The following RNF125 variants were observed in gnomAD, a reference collection of about 807,000 sequenced individuals.
RNF125 encodes E3 ubiquitin-protein ligase RNF125.
Under a neutral mutation model 26.0 loss-of-function variants are expected in RNF125, and 21 were observed. That is an observed-to-expected ratio of 0.81 (90% CI 0.57 to 1.16). RNF125 has a LOEUF of 1.16. RNF125 is among the 50% of genes most tolerant of loss of function. The pLI is 0.00. For missense variants in RNF125, 270 were observed against 299.4 expected (o/e 0.90, Z 0.72); for synonymous variants, 95 against 109.2 (o/e 0.87, Z 0.81).
At chr18:32,026,296 T>TA (rs1161082739) in intron 1 of RNF125, among the ~76,000 whole-genome samples, 47 of 137,474 alleles carry the variant, frequency 3.4e-4, no homozygotes, top group African/African-American at 1.3e-3. Flanking sequence ...TCGTCCAGGC[T>TA]AGAGTGCAGT....
chr18:32,028,297 T>TAAAAAAA (rs1156859954), intron 1 of RNF125, among the ~76,000 whole-genome samples: 1 of 72,382 alleles, frequency 1.4e-5, no homozygotes, highest in Non-Finnish European at 2.6e-5. Flanking sequence ...GACTCCGTCT[T>TAAAAAAA]AAAAAAAAAA....
rs2039165568 is a variant in RNF125, at chr18:32,037,235, CAG to C, written c.287_288del (p.Glu96ValfsTer2). 1 of 1,603,170 alleles carries C rather than the reference CAG, an allele frequency of 6.2e-7. No homozygotes were observed. The highest frequency in any genetic ancestry group is 8.5e-7 in the Non-Finnish European group (1 of 1,176,100). On this transcript the variant is annotated frameshift_variant, in exon 2 of 6. Coordinates refer to ENST00000217740, the MANE Select transcript of RNF125 (RefSeq NM_017831.4). LOFTEE classifies it high-confidence loss of function. ...ACTGATGTAGCCAAAAGAATGAAAT[CAG>C]AGTATAAGAACTGCGCTGAGTGTGA...
At chr18:32,061,055 T>C (rs940544790) in intron 4 of RNF125, among the ~76,000 whole-genome samples, 2 of 152,136 alleles carry the variant, frequency 1.3e-5, no homozygotes, top group Admixed American at 6.6e-5. Context: ...CAGACAGTCT[T>C]GCTCTGGCGC....
At chr18:32,027,208 C>T (rs1254063793) in intron 1 of RNF125, among the ~76,000 whole-genome samples, 1 of 150,560 alleles carries the variant, frequency 6.6e-6, no homozygotes, top group Non-Finnish European at 1.5e-5. Context: ...ATCCTTACCA[C>T]TGGACTACAG....
At position 32,031,486 on chromosome 18, in the gene RNF125, G is replaced by GAAAAAAAA. The variant is rs745809061; in HGVS notation, c.165-5611_165-5604dup. 6 of 20,956 alleles carry GAAAAAAAA rather than the reference G, an allele frequency of 2.9e-4. 1 individual carries two copies. The highest frequency in any genetic ancestry group is 5.7e-4 in the African/African-American group (5 of 8,818). 1.3% of individuals were successfully genotyped at this position (20,956 alleles called of 1,614,324 possible). On this transcript the variant is annotated intron_variant, in intron 1 of 5. Transcript: ENST00000217740. ...CATTGGCATACAACTCAAATTGTGG[G>GAAAAAAAA]AAAAAAAAAAAAAAAAAAAAAAAAA... is the stretch of plus-strand genomic sequence containing the variant.
intron 4 of RNF125, 31 bp downstream of exon 4, chr18:32,045,763 A>G (rs1319077522): frequency 2.2e-6 from 3 of 1,378,830 alleles, no homozygotes; most frequent in East Asian, 4.6e-5. Context: ...TATTACAGCA[A>G]TGTCTGAATT....
intron 2 of RNF125, 95 bp downstream of exon 2, chr18:32,037,364 CTTTTTTTTT>C (rs796828237): frequency 7.7e-5 from 10 of 130,580 alleles, no homozygotes; most frequent in South Asian, 1.2e-4. Context: ...TGGTACGCAC[CTTTTTTTTT>C]TTTTTTTTTT....
chr18:32,047,254 G>A (rs929324080), intron 4 of RNF125, among the ~76,000 whole-genome samples: 1 of 152,162 alleles, frequency 6.6e-6, no homozygotes. Context: ...TGGCCAGGAT[G>A]GTCTCGATCT....
At chr18:32,038,484 A>G (rs910937393) in intron 2 of RNF125, among the ~76,000 whole-genome samples, 4 of 152,148 alleles carry the variant, frequency 2.6e-5, no homozygotes, top group Admixed American at 6.6e-5. Flanking sequence ...ATCCTCTATG[A>G]TATGTCCTCC....
chr18:32,068,191 C>T (rs1240582946), intron 5 of RNF125, 107 bp from the exon 6 acceptor site: 5 of 597,918 alleles, frequency 8.4e-6, no homozygotes, highest in African/African-American at 1.9e-5. Flanking sequence ...GGACAAGTCT[C>T]GTAACTTTAG....
At chr18:32,019,604 C>G (rs770196330) in intron 1 of RNF125, among the ~76,000 whole-genome samples, 32 of 152,090 alleles carry the variant, frequency 2.1e-4, no homozygotes, top group Non-Finnish European at 2.5e-4. Context: ...CCCCTGCTAC[C>G]CTTTCCCAAC....
the RNF125 span, among the ~76,000 whole-genome samples, chr18:32,081,474 A>G: frequency 1.9e-4 from 29 of 152,284 alleles, 1 homozygote; most frequent in East Asian, 5.0e-3. Context: ...CTCTCTCCAG[A>G]CTTTGGATGA....
chr18:32,032,883 G>GA (rs1568195123), intron 1 of RNF125, among the ~76,000 whole-genome samples: 1 of 151,976 alleles, frequency 6.6e-6, no homozygotes, highest in East Asian at 1.9e-4. Flanking sequence ...AAAACAAAAC[G>GA]AAAAAACCCA....
chr18:32,063,740 A>C (rs1033155147), intron 4 of RNF125, among the ~76,000 whole-genome samples: 7 of 152,218 alleles, frequency 4.6e-5, no homozygotes, highest in African/African-American at 1.7e-4. Context: ...CTACTCAGTA[A>C]TAAGGAGGGA....
chr18:32,032,618 G>GATTT (rs1406588795), intron 1 of RNF125, among the ~76,000 whole-genome samples: 8 of 152,000 alleles, frequency 5.3e-5, no homozygotes, highest in Admixed American at 5.2e-4. Context: ...CAGGACGTGG[G>GATTT]CAGACAATCC....
downstream of RNF125, among the ~76,000 whole-genome samples, chr18:32,074,463 G>A (rs2039555964): frequency 6.6e-6 from 1 of 152,200 alleles, no homozygotes; most frequent in Admixed American, 6.5e-5. Context: ...TGTGTGGAAA[G>A]GAGGGGTGAA....
intron 1 of RNF125, among the ~76,000 whole-genome samples, chr18:32,019,650 G>A (rs2038966873): frequency 6.6e-6 from 1 of 152,122 alleles, no homozygotes; most frequent in South Asian, 2.1e-4. Context: ...AAGTCAAACT[G>A]GAGCTTCCGA....
At chr18:32,019,830 A>G (rs1344887216) in intron 1 of RNF125, among the ~76,000 whole-genome samples, 2 of 152,232 alleles carry the variant, frequency 1.3e-5, no homozygotes, top group African/African-American at 2.4e-5. Flanking sequence ...TACAGAGTAA[A>G]ATAACTTTCT....
downstream of RNF125, among the ~76,000 whole-genome samples, chr18:32,073,543 A>G (rs917000172): frequency 1.3e-5 from 2 of 152,242 alleles, no homozygotes; most frequent in African/African-American, 2.4e-5. Context: ...TGGTCAACAT[A>G]ATACTGAGCA....
Sources: gnomAD v4.1 joint callset for allele counts (sites outside exome capture counted in the v4.1 genomes callset) on GRCh38, gnomAD v4.1.1 for gene constraint, MANE v1.5 for transcripts, NCBI Gene and HGNC (gene_info 2026-07-23, HGNC 2026-07-21) for gene names.